CEPT1: variants seen among roughly 807,000 people sequenced by gnomAD.
CEPT1 encodes choline/ethanolaminephosphotransferase 1.
In CEPT1, 7 loss-of-function variants were observed where a neutral mutation model predicts 42.6. The ratio of observed to expected loss-of-function variants is 0.16; its 90% CI spans 0.09 to 0.31. CEPT1 has a LOEUF of 0.31. CEPT1 is among the 10% of genes least tolerant of loss of function. The pLI is 1.00. For synonymous variants in CEPT1, 171 were observed against 171.9 expected (o/e 0.99, Z 0.04); for missense variants, 306 against 502.1 (o/e 0.61, Z 3.73).
At chr1:111,177,944 G>A (rs886448300) in intron 5 of CEPT1, among the ~76,000 whole-genome samples, 4 of 152,116 alleles carry the variant, frequency 2.6e-5, no homozygotes, top group Non-Finnish European at 5.9e-5. Flanking sequence ...GATATATTTG[G>A]AGACTTAGTG....
intron 1 of CEPT1, among the ~76,000 whole-genome samples, chr1:111,145,130 C>T (rs1654884037): frequency 6.6e-6 from 1 of 152,082 alleles, no homozygotes; most frequent in Admixed American, 6.5e-5. Flanking sequence ...ATTCTCCTGC[C>T]TCAGCCTCCT....
At chr1:111,168,676 G>C (rs1056876706) in intron 4 of CEPT1, among the ~76,000 whole-genome samples, 3 of 152,098 alleles carry the variant, frequency 2.0e-5, no homozygotes, top group African/African-American at 7.2e-5. Context: ...TTTTAGTAGA[G>C]ACGGGGTTTC....
chr1:111,174,972 G>C lies in CEPT1; in HGVS notation c.714+9G>C, dbSNP rs997236352. ...CTTTTTGGCAATCTATGGTAACTTT[G>C]TTCACATTGTGTATCCCATGTAATG... On this transcript the variant is annotated intron_variant, in intron 5 of 8. Transcript: ENST00000357172. 5 of 1,546,052 alleles carry C rather than the reference G, an allele frequency of 3.2e-6. No individual in the cohort carries two copies. In the Admixed American group the frequency reaches 6.7e-5, roughly 21 times the overall value.
intron 2 of CEPT1, among the ~76,000 whole-genome samples, chr1:111,151,504 G>A (rs752067694): frequency 7.2e-5 from 11 of 152,262 alleles, no homozygotes; most frequent in South Asian, 4.2e-4. Flanking sequence ...CCAGAAAGGC[G>A]GGACAACTCA....
At chr1:111,146,361 C>G (rs1654964795) in intron 1 of CEPT1, among the ~76,000 whole-genome samples, 1 of 152,112 alleles carries the variant, frequency 6.6e-6, no homozygotes, top group Admixed American at 6.5e-5. Flanking sequence ...TCACCCACTA[C>G]ACCCCAAAAG....
chr1:111,182,271 C>T lies in CEPT1; in HGVS notation c.799C>T (p.Arg267Cys), dbSNP rs143162153. ...CATATTTTCCTGTACAAATTACTTCCGTGTAATCTTCACAGGTGGTGTTGG... is the reference window on the plus strand; with the variant it reads ...CATATTTTCCTGTACAAATTACTTCTGTGTAATCTTCACAGGTGGTGTTGG... Reference protein sequence around the residue: ...GTIFSCTNYFRVIFTGGVGKN... With the variant: ...GTIFSCTNYFCVIFTGGVGKN... Residue 267 changes from arginine to cysteine, a missense_variant, in exon 6 of 9, where the codon CGT becomes TGT. Physicochemically the swap from Arg to Cys is radical, Grantham distance 180. This residue lies in a region of CEPT1 where 253 missense variants were observed against 447.3 expected (regional missense o/e 0.57). Transcript: ENST00000357172. 1.9e-6 allele frequency: 3 copies of T among 1,612,884 alleles called. No homozygotes were observed. The highest frequency in any genetic ancestry group is 2.2e-5 in the East Asian group (1 of 44,756).
intron 5 of CEPT1, chr1:111,179,062 G>A (rs183583850): frequency 2.6e-5 from 4 of 152,150 alleles, no homozygotes; most frequent in African/African-American, 9.6e-5. Flanking sequence ...TTTTATTTCT[G>A]CTCTGATGTA....
chr1:111,165,594 A>G (rs1656108218), intron 4 of CEPT1, among the ~76,000 whole-genome samples: 1 of 152,190 alleles, frequency 6.6e-6, no homozygotes, highest in African/African-American at 2.4e-5. Flanking sequence ...TAGATGATCT[A>G]TAAGGTTCTT....
rs1461000256 is a variant in CEPT1 at position 111,178,337 on chromosome 1, G to T, written c.714+3374G>T. 2.6e-5 allele frequency: 4 copies of T among 152,260 alleles called. No homozygotes were observed. In the South Asian group the frequency reaches 8.3e-4, roughly 32 times the overall value. The allele number at this position is 152,260 out of a possible 1,614,324, so 9.4% of individuals were successfully genotyped here. On this transcript the variant is annotated intron_variant, in intron 5 of 8. Transcript: ENST00000357172. ...TCATAAGGCTGATTCCAGAAGATCA[G>T]CTGTTTTGTAAAGGTAAGTGATTTG... is the stretch of plus-strand genomic sequence containing the variant.
At chr1:111,171,625 T>C (rs1656416304) in intron 4 of CEPT1, among the ~76,000 whole-genome samples, 1 of 152,262 alleles carries the variant, frequency 6.6e-6, no homozygotes, top group African/African-American at 2.4e-5. Context: ...CTTGTCATAG[T>C]AATTTAAGTG....
intron 1 of CEPT1, among the ~76,000 whole-genome samples, chr1:111,143,795 T>C (rs1289841043): frequency 6.6e-6 from 1 of 152,130 alleles, no homozygotes; most frequent in African/African-American, 2.4e-5. Flanking sequence ...TGGAGTACAG[T>C]GGCGTGATCA....
At chr1:111,150,572 G>A (rs994832254) in intron 2 of CEPT1, among the ~76,000 whole-genome samples, 2 of 152,156 alleles carry the variant, frequency 1.3e-5, no homozygotes, top group Admixed American at 1.3e-4. Context: ...CCTTATGCCA[G>A]TGGATGATCA....
chr1:111,149,978 T>A (rs556874591), intron 2 of CEPT1, among the ~76,000 whole-genome samples: 8 of 152,370 alleles, frequency 5.3e-5, no homozygotes, highest in Non-Finnish European at 1.2e-4. Context: ...AAGAATTAGT[T>A]AAATCTTTAG....
chr1:111,182,803 C>G lies in CEPT1; in HGVS notation c.851C>G (p.Thr284Arg). The G allele has an allele frequency of 1.2e-6, 2 of 1,611,850 alleles. No individual in the cohort carries two copies. The highest frequency in any genetic ancestry group is 2.2e-5 in the East Asian group (1 of 44,818). The stretch of plus-strand genomic sequence containing the variant: ...TCTTCTCTTCACTCTGTACAGGGAA[C>G]AAGTGTCCTTTCTCCTTTTCTCCAT... ...VGKNGSTIAG[T>R]SVLSPFLHIG... is the part of the protein sequence containing the mutation. Residue 284 changes from threonine (T) to arginine (R), a missense_variant, in exon 7 of 9, where the codon ACA (threonine) becomes AGA (arginine). By Grantham distance (71) the Thr-to-Arg change is moderately conservative. Transcript: ENST00000357172.
intron 1 of CEPT1, chr1:111,140,684 C>T (rs1557913718): frequency 6.6e-6 from 1 of 152,414 alleles, no homozygotes; most frequent in Non-Finnish European, 1.5e-5. Flanking sequence ...GCCGAACGGA[C>T]CTTGCTTGTC....
In CEPT1 at chr1:111,168,723, C is replaced by G. The variant is rs1474294955; in HGVS notation, c.630-6156C>G. ...CAGGATGGTCTCGATCTCCTGACCT[C>G]GTGATCTGCCCACCTGGCTGAGTTC... On this transcript the variant is annotated intron_variant, in intron 4 of 8. Coordinates refer to ENST00000357172, the MANE Select transcript of CEPT1 (RefSeq NM_006090.5). Among the ~76,000 whole-genome samples, 6 of 152,144 alleles carry G rather than the reference C, an allele frequency of 3.9e-5. No homozygotes were observed. In the East Asian group the frequency reaches 7.7e-4, roughly 20 times the overall value.
intron 4 of CEPT1, among the ~76,000 whole-genome samples, chr1:111,174,636 A>G (rs1325355327): frequency 2.0e-5 from 3 of 151,892 alleles, no homozygotes; most frequent in African/African-American, 7.3e-5. Context: ...TGAGTCAGAA[A>G]TTTCCTTTGG....
At position 111,147,528 on chromosome 1, in the gene CEPT1, T is replaced by TA. The variant is rs1454620945; in HGVS notation, c.-73-113dup. 11 of 486,230 alleles carry TA rather than the reference T, an allele frequency of 2.3e-5. No homozygotes were observed. In the South Asian group the frequency reaches 3.7e-4, roughly 16 times the overall value. 30.1% of individuals were successfully genotyped at this position (486,230 alleles called of 1,614,324 possible). On this transcript the variant is annotated intron_variant, in intron 1 of 8. Transcript: ENST00000357172. ...TCCTTTTCTGGTCCTGTTTGATACT[T>TA]ACTACTTTATTGACAATTTGATTTT...
chr1:111,176,312 T>TAAC (rs1221125549), intron 5 of CEPT1, among the ~76,000 whole-genome samples: 1 of 152,218 alleles, frequency 6.6e-6, no homozygotes, highest in Non-Finnish European at 1.5e-5. Flanking sequence ...TTTTTTTTAA[T>TAAC]AACAGTTTTG....
Sources: gnomAD v4.1 joint callset for allele counts (sites outside exome capture counted in the v4.1 genomes callset) on GRCh38, gnomAD v4.1.1 for gene constraint, gnomAD v4.1.1 regional missense constraint, MANE v1.5 for transcripts, NCBI Gene and HGNC (gene_info 2026-07-23, HGNC 2026-07-21) for gene names.